Variants in TDRD9 observed in about 807,000 individuals in gnomAD.
TDRD9 encodes the protein tudor domain containing 9, also known as ATP-dependent RNA helicase TDRD9.
Under a neutral mutation model 172.6 loss-of-function variants are expected in TDRD9, and 124 were observed. The observed-to-expected ratio is 0.72, with a 90% CI of 0.62 to 0.83. The LOEUF is 0.83. Ranked by LOEUF, TDRD9 falls within the 40% of genes least tolerant of loss-of-function variation. TDRD9 has a pLI of 0.00. For synonymous variants in TDRD9, 619 were observed against 617.1 expected, an observed-to-expected ratio of 1.00 and a Z score of -0.05; for missense variants, 1,479 against 1,714.1, an observed-to-expected ratio of 0.86 and a Z score of 2.42.
rs74363560 is a variant in TDRD9 at position 103,966,920 on chromosome 14, T to G, written c.765+89T>G. 4,035 of 1,201,888 alleles carry G rather than the reference T, an allele frequency of 3.4e-3. 114 individuals carry two copies. The African/African-American group carries it at 0.056, about 17-fold the overall frequency. 74.5% of individuals were successfully genotyped at this position (1,201,888 alleles called of 1,614,324 possible). A position where few individuals can be genotyped will look rare whatever the true frequency, so the allele number is the denominator to read the frequency against. On this transcript the variant is annotated intron_variant, in intron 5 of 35. Coordinates refer to ENST00000409874, the MANE Select transcript of TDRD9 (RefSeq NM_153046.3). The stretch of plus-strand genomic sequence containing the variant: ...TGTGAACCCTGTCTTTGTGCCTGTC[T>G]CAGCTTTCTTTATTTTTTCCTTCCC...
At chr14:103,969,008 G>A (rs1439210985) in intron 5 of TDRD9, among the ~76,000 whole-genome samples, 2 of 149,266 alleles carry the variant, frequency 1.3e-5, no homozygotes, top group African/African-American at 2.5e-5. Flanking sequence ...GCTGAGGCCG[G>A]AGAATGGCGT....
At chr14:103,962,520 T>A (rs1351103345) in intron 2 of TDRD9, among the ~76,000 whole-genome samples, 1 of 152,188 alleles carries the variant, frequency 6.6e-6, no homozygotes, top group Non-Finnish European at 1.5e-5. Flanking sequence ...GGGGTGCATG[T>A]TCAGGTTTGT....
chr14:103,998,606 CT>C lies in TDRD9; in HGVS notation c.1379-10del, dbSNP rs749040769. On this transcript the variant is annotated splice_polypyrimidine_tract_variant and intron_variant, in intron 12 of 35. Coordinates refer to ENST00000409874, the MANE Select transcript of TDRD9 (RefSeq NM_153046.3). ...TCTTATTAGCATGGTGTTTACAGTCCTTTTTTTTAAATGGCAGTTATAGATT... is the reference window on the plus strand; with the variant it reads ...TCTTATTAGCATGGTGTTTACAGTCCTTTTTTTAAATGGCAGTTATAGATT... 206 of 1,388,108 alleles carry C rather than the reference CT, an allele frequency of 1.5e-4. No homozygotes were observed. Among genetic ancestry groups the C allele is most frequent in the Non-Finnish European group, 1.3e-4 (130 of 977,192 alleles). 86.0% of individuals were successfully genotyped at this position (1,388,108 alleles called of 1,614,324 possible).
intron 18 of TDRD9, 59 bp downstream of exon 18, chr14:104,006,904 C>A: frequency 7.0e-7 from 1 of 1,425,452 alleles, no homozygotes; most frequent in Admixed American, 1.9e-5. Flanking sequence ...AGTACATTTT[C>A]ATACCACAAA....
At position 103,950,175 on chromosome 14, in the gene TDRD9, C is replaced by T. The variant is rs191648982; in HGVS notation, c.216-5489C>T. 5.4e-5 allele frequency among the ~76,000 whole-genome samples: 8 copies of T among 149,316 alleles called. No individual in the cohort carries two copies. The East Asian group carries it at 8.0e-4, about 15-fold the overall frequency. ...CGCAATCTCAGCTCACCGCAACCTCCGCCTCCCAGGTTCAAGCGATTCTCC... is the reference window on the plus strand; with the variant it reads ...CGCAATCTCAGCTCACCGCAACCTCTGCCTCCCAGGTTCAAGCGATTCTCC... On this transcript the variant is annotated intron_variant, in intron 1 of 35. Coordinates refer to ENST00000409874, the MANE Select transcript of TDRD9 (RefSeq NM_153046.3).
chr14:103,965,102 C>T (rs893262102), intron 3 of TDRD9, among the ~76,000 whole-genome samples: 1 of 151,988 alleles, frequency 6.6e-6, no homozygotes, highest in Non-Finnish European at 1.5e-5. Context: ...GTCCCAGCTA[C>T]TTGAGAGGCT....
chr14:104,005,178 C>A, intron 14 of TDRD9, 96 bp from the exon 15 acceptor site: 1 of 1,299,124 alleles, frequency 7.7e-7, no homozygotes, highest in Admixed American at 2.0e-5. Flanking sequence ...TCCTCTCCTT[C>A]TCTCCTCCTC....
At chr14:103,965,620 G>GT (rs1255399982) in intron 4 of TDRD9, 66 bp downstream of exon 4, 3 of 1,404,082 alleles carry the variant, frequency 2.1e-6, no homozygotes, top group Non-Finnish European at 2.9e-6. Flanking sequence ...ATTTTATTAA[G>GT]TTTTTTTCTG....
chr14:104,021,259 A>G (rs2034945575), intron 23 of TDRD9, among the ~76,000 whole-genome samples: 1 of 152,146 alleles, frequency 6.6e-6, no homozygotes, highest in African/African-American at 2.4e-5. Context: ...CGCGCTCACA[A>G]TCCGGTCACC....
chr14:103,941,094 T>A, intron 1 of TDRD9: 1 of 1,533,114 alleles, frequency 6.5e-7, no homozygotes, highest in East Asian at 2.4e-5. Flanking sequence ...CTGCCAAAAC[T>A]TCTCGAAATC....
At chr14:104,016,158 T>C (rs905859301) in intron 22 of TDRD9, 70 bp downstream of exon 22, 1 of 1,105,970 alleles carries the variant, frequency 9.0e-7, no homozygotes, top group African/African-American at 1.6e-5. Context: ...TCTAATTGTT[T>C]CTATTCTTGT....
intron 1 of TDRD9, among the ~76,000 whole-genome samples, chr14:103,945,089 T>C (rs1228729045): frequency 6.6e-6 from 1 of 152,234 alleles, no homozygotes; most frequent in Admixed American, 6.5e-5. Flanking sequence ...AAGGTAATTA[T>C]AGATGGTCAT....
At chr14:103,956,064 C>G (rs1312663364) in intron 2 of TDRD9, among the ~76,000 whole-genome samples, 2 of 103,680 alleles carry the variant, frequency 1.9e-5, no homozygotes, top group East Asian at 6.2e-4. Flanking sequence ...GGGCAACATA[C>G]GGAGACCCTC....
At chr14:103,930,452 A>T (rs936247270) in intron 1 of TDRD9, among the ~76,000 whole-genome samples, 1 of 152,206 alleles carries the variant, frequency 6.6e-6, no homozygotes, top group Non-Finnish European at 1.5e-5. Context: ...CTGGGATTCC[A>T]GGTGTGAGTC....
At chr14:104,047,257 T>C (rs2035807692) in intron 34 of TDRD9, among the ~76,000 whole-genome samples, 1 of 152,234 alleles carries the variant, frequency 6.6e-6, no homozygotes, top group African/African-American at 2.4e-5. Context: ...GTGAATAAAA[T>C]TGTTTTCTTA....
intron 1 of TDRD9, among the ~76,000 whole-genome samples, chr14:103,951,579 A>G (rs1287354939): frequency 1.3e-5 from 2 of 152,168 alleles, no homozygotes; most frequent in African/African-American, 4.8e-5. Context: ...TTTTTGTATA[A>G]TCTGTTTGAA....
intron 7 of TDRD9, among the ~76,000 whole-genome samples, chr14:103,981,307 T>G (rs1021443211): frequency 6.6e-6 from 1 of 152,218 alleles, no homozygotes; most frequent in Non-Finnish European, 1.5e-5. Context: ...GTGTATTTTC[T>G]GTCAGAGCTC....
chr14:103,938,531 C>T (rs993537499), intron 1 of TDRD9, among the ~76,000 whole-genome samples: 6 of 148,614 alleles, frequency 4.0e-5, no homozygotes, highest in Non-Finnish European at 7.4e-5. Flanking sequence ...CTCTGCCTCC[C>T]GGGTTCATGC....
At chr14:104,011,239 A>G (rs137912785) in intron 20 of TDRD9, among the ~76,000 whole-genome samples, 3 of 152,072 alleles carry the variant, frequency 2.0e-5, no homozygotes, top group African/African-American at 7.2e-5. Flanking sequence ...GCTTGTTTGT[A>G]ATGTTTTCTC....
Sources: allele counts gnomAD v4.1 joint callset (sites outside exome capture counted in the v4.1 genomes callset), GRCh38; gene constraint gnomAD v4.1.1; transcripts MANE v1.5; gene names NCBI Gene and HGNC (gene_info 2026-07-23, HGNC 2026-07-21).